Variants in PABPN1 observed in about 807,000 individuals in gnomAD.
PABPN1 encodes poly(A) binding protein nuclear 1, also known as polyadenylate-binding protein 2.
PABPN1 carries 5 observed loss-of-function variants against 33.4 expected under a neutral mutation model. The ratio of observed to expected loss-of-function variants is 0.15; its 90% confidence interval spans 0.08 to 0.32. The LOEUF (loss-of-function observed/expected upper bound fraction) is 0.32. Ranked by LOEUF, PABPN1 falls within the 10% of genes least tolerant of loss-of-function variation. The pLI, the probability that PABPN1 is intolerant of heterozygous loss-of-function variation, is 1.00. For missense variants in PABPN1, 312 were observed against 425.8 expected, an observed-to-expected ratio of 0.73 and a Z score of 2.35; for synonymous variants, 176 against 170.6, an observed-to-expected ratio of 1.03 and a Z score of -0.25.
intron 2 of PABPN1, chr14:23,322,757 G>T: frequency 1.8e-6 from 1 of 553,576 alleles, no homozygotes; most frequent in East Asian, 3.1e-5. Flanking sequence ...TTGATTTGGA[G>T]GCAGGAGGGA....
At chr14:23,323,538 A>C in intron 4 of PABPN1, 55 bp downstream of exon 4, 1 of 1,506,078 alleles carries the variant, frequency 6.6e-7, no homozygotes, top group Non-Finnish European at 9.2e-7. Context: ...CAAATAGATA[A>C]ATTATGTTTT....
chr14:23,321,762 A>G lies in PABPN1; in HGVS notation c.293A>G (p.Glu98Gly). 6.5e-7 allele frequency: 1 copy of G among 1,535,968 alleles called. No homozygotes were observed. The highest frequency in any genetic ancestry group is 8.8e-7 in the Non-Finnish European group (1 of 1,141,246). The change falls in exon 1 of 7, where the codon GAG becomes GGG. Residue 98 changes from glutamate (E) to glycine (G), a missense_variant. Transcript: ENST00000216727. ...TCGGGAGCCCCCGGCAGCCAAGAGG[A>G]GGAGGAGGAGCCGGGACTGGTCGAG... ...PGSGAPGSQEEEEEPGLVEGD... is the reference protein window; with the variant it reads ...PGSGAPGSQEGEEEPGLVEGD...
rs913031396 is a variant in PABPN1 at position 23,323,115 on chromosome 14, G to A, written c.534+49G>A. ...GGTTGGGGGCAAGTTCTTCTTTTGG[G>A]GAATTATTTAATAGTCCTGAAAGGA... is the stretch of plus-strand genomic sequence containing the variant. On this transcript the variant is annotated intron_variant, in intron 3 of 6. Coordinates refer to ENST00000216727, the MANE Select transcript of PABPN1 (RefSeq NM_004643.4). 7 of 1,611,358 alleles carry A rather than the reference G, an allele frequency of 4.3e-6. No homozygotes were observed. The African/African-American group carries it at 8.0e-5, about 18-fold the overall frequency.
intron 6 of PABPN1, chr14:23,325,005 TCTCA>T (rs1305314828): frequency 2.9e-5 from 14 of 488,062 alleles, no homozygotes; most frequent in African/African-American, 8.0e-5. Flanking sequence ...TGCCCCTGTC[TCTCA>T]CTCAGATGCG....
intron 3 of PABPN1, 141 bp downstream of exon 3, chr14:23,323,207 A>T: frequency 7.7e-7 from 1 of 1,297,934 alleles, no homozygotes; most frequent in Non-Finnish European, 1.1e-6. Flanking sequence ...AGGTAATGGA[A>T]TGATCAGTAA....
intron 6 of PABPN1, 97 bp downstream of exon 6, chr14:23,324,386 C>G: frequency 7.6e-7 from 1 of 1,310,324 alleles, no homozygotes; most frequent in Non-Finnish European, 1.0e-6. Flanking sequence ...CCCCACCCCT[C>G]CCCGTGGTCT....
chr14:23,321,994 C>T, intron 1 of PABPN1, 174 bp downstream of exon 1: 1 of 791,406 alleles, frequency 1.3e-6, no homozygotes, highest in Non-Finnish European at 2.0e-6. Flanking sequence ...GCCCGACTGG[C>T]TTGATTCGGG....
chr14:23,323,307 A>G (rs1280172244), intron 3 of PABPN1, 70 bp from the exon 4 acceptor site: 2 of 1,525,214 alleles, frequency 1.3e-6, no homozygotes, highest in Non-Finnish European at 1.8e-6. Flanking sequence ...GCCCAGACCA[A>G]AGGCTCGGGA....
chr14:23,323,606 T>A, intron 4 of PABPN1, 123 bp downstream of exon 4: 1 of 966,166 alleles, frequency 1.0e-6, no homozygotes, highest in Admixed American at 2.0e-5. Flanking sequence ...TTTAAGATCA[T>A]GGCATTAATG....
Position 23,325,348 on chromosome 14 carries a change from T to TA in PABPN1, c.*62_*63insA. ...GAGGAAAGAAGGAAAAAAAAAAGAA[T>TA]TAAAAAAAAAAAAAAGAAAAACAGA... is the stretch of plus-strand genomic sequence containing the variant. On this transcript the variant is annotated 3_prime_UTR_variant, in exon 7 of 7. Coordinates refer to ENST00000216727, the MANE Select transcript of PABPN1 (RefSeq NM_004643.4). The TA allele has an allele frequency of 1.4e-6, 2 of 1,409,210 alleles. No individual in the cohort carries two copies. Among genetic ancestry groups the TA allele is most frequent in the Non-Finnish European group, 1.9e-6 (2 of 1,073,018 alleles). The allele number at this position is 1,409,210 out of a possible 1,614,324, so 87.3% of individuals were successfully genotyped here. A position where few individuals can be genotyped will look rare whatever the true frequency, so the allele number is the denominator to read the frequency against.
chr14:23,324,507 T>G, intron 6 of PABPN1: 1 of 615,110 alleles, frequency 1.6e-6, no homozygotes, highest in Non-Finnish European at 2.9e-6. Context: ...AAGGGCTGCA[T>G]CCCTCCCTTG....
At position 23,322,155 on chromosome 14, in the gene PABPN1, C is replaced by T. The variant is rs1444873503; in HGVS notation, c.352-26C>T. 14 of 1,584,622 alleles carry T rather than the reference C, an allele frequency of 8.8e-6. No homozygotes were observed. The South Asian group carries it at 1.0e-4, about 12-fold the overall frequency. Reference sequence around the variant, plus strand: ...CTGCGTTGGTTCCTCTTAAGCTGTCCTCCATACCCTCCCCACTTATATTAG... The same window carrying T: ...CTGCGTTGGTTCCTCTTAAGCTGTCTTCCATACCCTCCCCACTTATATTAG... On this transcript the variant is annotated intron_variant, in intron 1 of 6. Coordinates refer to ENST00000216727, the MANE Select transcript of PABPN1 (RefSeq NM_004643.4).
chr14:23,325,203 ATCTAG>A, intron 6 of PABPN1, 39 bp from the exon 7 acceptor site: 1 of 1,613,606 alleles, frequency 6.2e-7, no homozygotes, highest in Non-Finnish European at 8.5e-7. Context: ...GTACTGAACT[ATCTAG>A]TGATCACGTT....
chr14:23,324,046 A>G lies in PABPN1; in HGVS notation c.723A>G (p.Gln241=), dbSNP rs1442017889. The change falls in exon 5 of 7, where the codon CAA becomes CAG. Residue 241 remains glutamine, a synonymous_variant. Coordinates refer to ENST00000216727, the MANE Select transcript of PABPN1 (RefSeq NM_004643.4). The stretch of plus-strand genomic sequence containing the variant: ...ATGAGTCCCTATTTAGAGGAAGGCA[A>G]ATCAAGGTAAGCCTATGTCCATTGC... The part of the protein sequence containing the change: ...ALDESLFRGR[Q]IKVIPKRTNR... The G allele has an allele frequency of 3.1e-6, 5 of 1,614,082 alleles. No individual in the cohort carries two copies. The Admixed American group carries it at 8.3e-5, about 27-fold the overall frequency.
In PABPN1 at chr14:23,322,293, A is replaced by G. The variant is rs1043282787; in HGVS notation, c.464A>G (p.Asn155Ser). 1 of 1,598,520 alleles carries G rather than the reference A, an allele frequency of 6.3e-7. No individual in the cohort carries two copies. Among genetic ancestry groups the G allele is most frequent in the Non-Finnish European group, 8.5e-7 (1 of 1,172,162 alleles). The change falls in exon 2 of 7, where the codon AAT becomes AGT. Residue 155 changes from asparagine (N) to serine (S), a missense_variant and splice_region_variant. Asn to Ser is a conservative substitution (Grantham distance 46). Coordinates refer to ENST00000216727, the MANE Select transcript of PABPN1 (RefSeq NM_004643.4). ...KQMNMSPPPG[N>S]AGPVIMSIEE... is the part of the protein sequence containing the mutation. Reference sequence around the variant, plus strand: ...ATGAATATGAGTCCACCTCCAGGCAATGGTGAGTAACTGGCGGTTGCACGC... The same window carrying G: ...ATGAATATGAGTCCACCTCCAGGCAGTGGTGAGTAACTGGCGGTTGCACGC...
intron 3 of PABPN1, 80 bp downstream of exon 3, chr14:23,323,146 T>A (rs1888452818): frequency 6.3e-7 from 1 of 1,591,982 alleles, no homozygotes; most frequent in Non-Finnish European, 8.6e-7. Context: ...AAGGAACATC[T>A]CCGGGATAGA....
chr14:23,322,502 C>T (rs1488106808), intron 2 of PABPN1: 3 of 604,238 alleles, frequency 5.0e-6, no homozygotes, highest in African/African-American at 3.7e-5. Context: ...TTGTGCCTCC[C>T]TTTGTGCCTG....
Position 23,321,641 on chromosome 14 carries a change from G to A in PABPN1, c.172G>A (p.Glu58Lys), listed in dbSNP as rs1888279574. Reference protein sequence around the residue: ...NGLESEELEPEELLLEPEPEP... With the variant: ...NGLESEELEPKELLLEPEPEP... ...CCTGGAGTCTGAGGAACTGGAGCCT[G>A]AGGAGCTGCTGCTGGAGCCCGAGCC... The change falls in exon 1 of 7, where the codon GAG (glutamate) becomes AAG (lysine). Residue 58 changes from glutamate to lysine, a missense_variant. Glu to Lys is a moderately conservative substitution (Grantham distance 56). Around this residue, in one of 3 missense-constraint regions of PABPN1, gnomAD observed 167 missense variants for 168.9 expected, o/e 0.99. Coordinates refer to ENST00000216727, the MANE Select transcript of PABPN1 (RefSeq NM_004643.4). 1 of 1,513,810 alleles carries A rather than the reference G, an allele frequency of 6.6e-7. No homozygotes were observed. Among genetic ancestry groups the A allele is most frequent in the Non-Finnish European group, 9.0e-7 (1 of 1,117,280 alleles). The allele number at this position is 1,513,810 out of a possible 1,614,324, so 93.8% of individuals were successfully genotyped here.
rs1888554909 is a variant in PABPN1, at chr14:23,324,220, C to G, written c.812C>G (p.Thr271Ser). 1 of 1,614,082 alleles carries G rather than the reference C, an allele frequency of 6.2e-7. No homozygotes were observed. Among genetic ancestry groups the G allele is most frequent in the Non-Finnish European group, 8.5e-7 (1 of 1,180,054 alleles). ...FPRARYRART[T>S]NYNSSRSRFY... The stretch of plus-strand genomic sequence containing the variant: ...CGAGCCCGCTACCGCGCCCGGACCA[C>G]CAACTACAACAGCTCCCGCTCTCGA... The change falls in exon 6 of 7, where the codon ACC becomes AGC. Residue 271 changes from threonine to serine, a missense_variant. Around this residue, in one of 3 missense-constraint regions of PABPN1, gnomAD observed 68 missense variants for 71.1 expected, o/e 0.96. Transcript: ENST00000216727.
Sources: gnomAD v4.1 joint callset for allele counts on GRCh38, gnomAD v4.1.1 for gene constraint, gnomAD v4.1.1 regional missense constraint, MANE v1.5 for transcripts, NCBI Gene and HGNC (gene_info 2026-07-23, HGNC 2026-07-21) for gene names.